Variants in NECAB1 observed in about 807,000 individuals in gnomAD.
NECAB1 encodes the protein N-terminal EF-hand calcium binding protein 1.
In NECAB1, 29 loss-of-function variants were observed where a neutral mutation model predicts 57.5. That is an observed-to-expected ratio of 0.50 (90% CI 0.38 to 0.69). The LOEUF (loss-of-function observed/expected upper bound fraction) is 0.69, where lower values mean the gene tolerates loss of function less well. Among genes scored for constraint, NECAB1 ranks in the 30% least tolerant of loss-of-function variants. The pLI is 0.00. For missense variants in NECAB1, 372 were observed against 413.8 expected, an observed-to-expected ratio of 0.90 and a Z score of 0.88; for synonymous variants, 142 against 147.7, an observed-to-expected ratio of 0.96 and a Z score of 0.28.
intron 5 of NECAB1, among the ~76,000 whole-genome samples, chr8:90,881,833 A>G (rs1195431435): frequency 6.6e-6 from 1 of 152,194 alleles, no homozygotes; most frequent in Non-Finnish European, 1.5e-5. Flanking sequence ...ACAAGATAAG[A>G]CATCTAATTC....
chr8:90,917,870 A>ATATATATGTG (rs1554575432), intron 6 of NECAB1, among the ~76,000 whole-genome samples: 1,081 of 64,244 alleles, frequency 0.017, 33 homozygotes, highest in Non-Finnish European at 0.022. Context: ...ATATATATAT[A>ATATATATGTG]TGTGTGTGTG....
intron 10 of NECAB1, among the ~76,000 whole-genome samples, chr8:90,949,135 C>T (rs959964782): frequency 1.4e-5 from 2 of 146,706 alleles, no homozygotes; most frequent in East Asian, 4.0e-4. Flanking sequence ...CATCCAGAGA[C>T]AACAGGCACT....
chr8:90,951,582 T>C (rs1231237233), intron 12 of NECAB1, among the ~76,000 whole-genome samples: 1 of 152,196 alleles, frequency 6.6e-6, no homozygotes, highest in Non-Finnish European at 1.5e-5. Context: ...ATATATTTAC[T>C]GAGTATTAAT....
At chr8:90,923,279 A>G (rs1810172433) in intron 6 of NECAB1, among the ~76,000 whole-genome samples, 1 of 152,230 alleles carries the variant, frequency 6.6e-6, no homozygotes, top group Admixed American at 6.5e-5. Context: ...CACAGCTGAT[A>G]GGACACAATA....
intron 2 of NECAB1, among the ~76,000 whole-genome samples, chr8:90,809,201 A>T (rs955676452): frequency 2.6e-4 from 39 of 152,150 alleles, no homozygotes; most frequent in Admixed American, 2.0e-4. Flanking sequence ...GCCCCTCTAG[A>T]TGTGTCTCCA....
chr8:90,855,965 G>T (rs753602446), intron 3 of NECAB1, among the ~76,000 whole-genome samples: 9 of 152,100 alleles, frequency 5.9e-5, no homozygotes, highest in Non-Finnish European at 8.8e-5. Flanking sequence ...ATATATGTTT[G>T]GGGGTAGGTA....
intron 3 of NECAB1, among the ~76,000 whole-genome samples, chr8:90,866,828 T>G (rs1271015366): frequency 2.6e-5 from 4 of 152,162 alleles, no homozygotes; most frequent in African/African-American, 9.7e-5. Flanking sequence ...GTTCAACCAT[T>G]GTGGAAGACA....
intron 10 of NECAB1, among the ~76,000 whole-genome samples, chr8:90,944,587 C>A (rs1391454370): frequency 1.3e-5 from 2 of 152,128 alleles, no homozygotes; most frequent in Non-Finnish European, 2.9e-5. Flanking sequence ...GTTCTCAGAA[C>A]CATTCTTGAC....
chr8:90,851,911 C>G (rs1333331273), intron 3 of NECAB1, among the ~76,000 whole-genome samples: 1 of 152,102 alleles, frequency 6.6e-6, no homozygotes, highest in Admixed American at 6.5e-5. Context: ...GCCCTAAGTT[C>G]GTCTGTGGTC....
intron 1 of NECAB1, among the ~76,000 whole-genome samples, chr8:90,794,257 A>G (rs1811623370): frequency 6.6e-6 from 1 of 152,240 alleles, no homozygotes; most frequent in Admixed American, 6.5e-5. Flanking sequence ...TCATTTCTGG[A>G]TCATACCACT....
chr8:90,910,978 C>T (rs1287183173), intron 5 of NECAB1, among the ~76,000 whole-genome samples: 2 of 152,134 alleles, frequency 1.3e-5, no homozygotes, highest in African/African-American at 4.8e-5. Flanking sequence ...TTGATGATGA[C>T]ACCTTGTCAT....
At chr8:90,876,626 A>C (rs1808731435) in intron 4 of NECAB1, among the ~76,000 whole-genome samples, 1 of 152,078 alleles carries the variant, frequency 6.6e-6, no homozygotes, top group African/African-American at 2.4e-5. Flanking sequence ...TTGGTAATGC[A>C]ACACCACTGA....
chr8:90,834,319 A>G (rs1011540927), intron 3 of NECAB1, among the ~76,000 whole-genome samples: 3 of 152,068 alleles, frequency 2.0e-5, no homozygotes, highest in African/African-American at 7.2e-5. Flanking sequence ...GTCTGAATGT[A>G]TGTGTTTCTT....
chr8:90,800,244 C>A (rs1389062517), intron 1 of NECAB1, among the ~76,000 whole-genome samples: 1 of 152,162 alleles, frequency 6.6e-6, no homozygotes, highest in Non-Finnish European at 1.5e-5. Context: ...ATTATATCGT[C>A]AGTGAAGAGA....
chr8:90,888,205 A>C (rs1192785764), intron 5 of NECAB1, among the ~76,000 whole-genome samples: 1 of 152,214 alleles, frequency 6.6e-6, no homozygotes, highest in African/African-American at 2.4e-5. Context: ...TTATATTCCT[A>C]ATAGAAAGTG....
At chr8:90,822,878 A>G (rs535443659) in intron 2 of NECAB1, among the ~76,000 whole-genome samples, 2 of 150,376 alleles carry the variant, frequency 1.3e-5, no homozygotes, top group Admixed American at 6.6e-5. Context: ...TTTTTTTTTT[A>G]AACAGTACAT....
chr8:90,902,980 T>G (rs904450956), intron 5 of NECAB1, among the ~76,000 whole-genome samples: 53 of 152,136 alleles, frequency 3.5e-4, no homozygotes, highest in African/African-American at 1.3e-3. Flanking sequence ...CAATATGAGA[T>G]TGATGAATAA....
chr8:90,838,264 T>C (rs929013901), intron 3 of NECAB1, among the ~76,000 whole-genome samples: 4 of 152,216 alleles, frequency 2.6e-5, no homozygotes, highest in African/African-American at 9.6e-5. Context: ...AATTTTACCA[T>C]AGGCTAATTG....
intron 5 of NECAB1, among the ~76,000 whole-genome samples, chr8:90,910,526 C>A (rs1216388627): frequency 6.6e-6 from 1 of 152,044 alleles, no homozygotes; most frequent in Non-Finnish European, 1.5e-5. Context: ...GGCTTTCTGG[C>A]TCTGTTTCTC....
Sources: allele counts gnomAD v4.1 joint callset (sites outside exome capture counted in the v4.1 genomes callset), GRCh38; gene constraint gnomAD v4.1.1; transcripts MANE v1.5; gene names NCBI Gene and HGNC (gene_info 2026-07-23, HGNC 2026-07-21).